INTS6: variants seen among roughly 807,000 people sequenced by gnomAD.
The protein encoded by INTS6 is integrator complex subunit 6.
INTS6 carries 16 observed loss-of-function variants against 104.9 expected under a neutral mutation model. The observed-to-expected ratio is 0.15, with a 90% confidence interval of 0.10 to 0.23. INTS6 has a LOEUF of 0.23. Among genes scored for constraint, INTS6 ranks in the 10% least tolerant of loss-of-function variants. INTS6 has a pLI of 1.00. For missense variants in INTS6, 584 were observed against 1,062.8 expected, an observed-to-expected ratio of 0.55 and a Z score of 6.26; for synonymous variants, 324 against 358.7, an observed-to-expected ratio of 0.90 and a Z score of 1.09.
the INTS6 span, chr13:51,341,491 C>T: frequency 3.6e-6 from 3 of 840,440 alleles, no homozygotes; most frequent in South Asian, 5.3e-5. Context: ...TCCAGCTCAC[C>T]CTGCTGCTCA....
At chr13:51,442,760 T>C (rs1027288981) in intron 3 of INTS6, 1 of 152,206 alleles carries the variant, frequency 6.6e-6, no homozygotes, top group Non-Finnish European at 1.5e-5. Flanking sequence ...TAACGCCTGA[T>C]GACCTGAGGT....
At chr13:51,451,884 G>T in intron 2 of INTS6, 94 bp downstream of exon 2, 1 of 760,474 alleles carries the variant, frequency 1.3e-6, no homozygotes, top group Non-Finnish European at 2.2e-6. Context: ...TGGGGGAGGG[G>T]AGCATAATGA....
At chr13:51,375,734 G>GGTGTGTGTGTGTGTGTGT (rs71684515) in intron 13 of INTS6, among the ~76,000 whole-genome samples, 2 of 147,560 alleles carry the variant, frequency 1.4e-5, no homozygotes, top group African/African-American at 4.9e-5. Flanking sequence ...TTGATAAGTG[G>GGTGTGTGTGTGTGTGTGT]GTGTGTGTGT....
At chr13:51,348,577 A>T in the INTS6 span, 3 of 605,794 alleles carry the variant, frequency 5.0e-6, no homozygotes, top group Admixed American at 8.9e-5. Flanking sequence ...CTAGAGTTTG[A>T]GTTCATTTCA....
chr13:51,413,136 A>G (rs1434351618), intron 4 of INTS6, among the ~76,000 whole-genome samples: 2 of 152,238 alleles, frequency 1.3e-5, no homozygotes, highest in Non-Finnish European at 2.9e-5. Flanking sequence ...GCAGTCAGAC[A>G]GTAAGCAAAT....
the INTS6 span, among the ~76,000 whole-genome samples, chr13:51,335,072 G>C: frequency 6.6e-6 from 1 of 151,682 alleles, no homozygotes; most frequent in Non-Finnish European, 1.5e-5. Flanking sequence ...ATGGAGAAGA[G>C]AGCTCAGAAC....
At chr13:51,399,110 G>A (rs1936584178) in intron 4 of INTS6, among the ~76,000 whole-genome samples, 1 of 152,070 alleles carries the variant, frequency 6.6e-6, no homozygotes, top group Admixed American at 6.6e-5. Context: ...TTGGTTTATG[G>A]CTTCTTTCAT....
At chr13:51,387,328 C>A in intron 7 of INTS6, 58 bp downstream of exon 7, 1 of 1,447,350 alleles carries the variant, frequency 6.9e-7, no homozygotes, top group South Asian at 1.4e-5. Flanking sequence ...GAATTTGAAA[C>A]TAATAGGAAA....
chr13:51,376,401 A>G (rs1255114667), intron 12 of INTS6, among the ~76,000 whole-genome samples: 1 of 152,208 alleles, frequency 6.6e-6, no homozygotes, highest in African/African-American at 2.4e-5. Flanking sequence ...ATCTAACTCT[A>G]AAGATTTTAT....
rs1453470613 is a variant in INTS6, at chr13:51,363,076, CAA to C, written c.*2674_*2675del. 6.6e-6 allele frequency: 1 copy of C among 151,716 alleles called. No homozygotes were observed. The highest frequency in any genetic ancestry group is 2.4e-5 in the African/African-American group (1 of 41,344). The allele number at this position is 151,716 out of a possible 1,614,324, so 9.4% of individuals were successfully genotyped here. ...GGACAGGTTCTACTCCCTAAGGAAA[CAA>C]AGAGACAGGACTACATTTGAACAGA... On this transcript the variant is annotated 3_prime_UTR_variant, in exon 18 of 18. Coordinates refer to ENST00000311234, the MANE Select transcript of INTS6 (RefSeq NM_012141.3).
At chr13:51,447,733 G>GGA (rs1491284548) in intron 3 of INTS6, 1 of 55,476 alleles carries the variant, frequency 1.8e-5, no homozygotes, top group African/African-American at 7.4e-5. Flanking sequence ...ATAATTTACT[G>GGA]AAAAAAAAAA....
intron 3 of INTS6, chr13:51,445,003 T>A (rs1432310960): frequency 6.6e-6 from 1 of 152,156 alleles, no homozygotes; most frequent in Non-Finnish European, 1.5e-5. Context: ...TTGTACTACT[T>A]TGAGCTCAGT....
chr13:51,424,086 T>C (rs1956943884), intron 4 of INTS6, among the ~76,000 whole-genome samples: 1 of 152,078 alleles, frequency 6.6e-6, no homozygotes, highest in South Asian at 2.1e-4. Flanking sequence ...ACTTTATATA[T>C]ATAAGAGCTA....
At chr13:51,384,633 A>C in intron 7 of INTS6, 1 of 456,600 alleles carries the variant, frequency 2.2e-6, no homozygotes, top group Admixed American at 2.3e-5. Context: ...CCAAGCTACA[A>C]AACCTGTTCT....
chr13:51,345,884 C>T, the INTS6 span, among the ~76,000 whole-genome samples: 2 of 152,192 alleles, frequency 1.3e-5, no homozygotes, highest in African/African-American at 4.8e-5. Flanking sequence ...CTCAGTTGCT[C>T]AGAGCACAGA....
At chr13:51,400,722 A>G (rs1956420805) in intron 4 of INTS6, among the ~76,000 whole-genome samples, 1 of 152,244 alleles carries the variant, frequency 6.6e-6, no homozygotes, top group Non-Finnish European at 1.5e-5. Flanking sequence ...AACAATGTTT[A>G]GAATAGTTTT....
chr13:51,422,117 T>G (rs1038324517), intron 4 of INTS6, among the ~76,000 whole-genome samples: 1 of 152,208 alleles, frequency 6.6e-6, no homozygotes, highest in Non-Finnish European at 1.5e-5. Context: ...GAGGTAATTG[T>G]TTTAAATGTT....
intron 4 of INTS6, among the ~76,000 whole-genome samples, chr13:51,415,590 C>T (rs1191425393): frequency 2.6e-5 from 4 of 152,154 alleles, no homozygotes; most frequent in Non-Finnish European, 5.9e-5. Flanking sequence ...TGACTTGCTC[C>T]TCCTTGCCTT....
chr13:51,432,298 TACA>T (rs1166599611), intron 3 of INTS6, among the ~76,000 whole-genome samples: 1 of 152,282 alleles, frequency 6.6e-6, no homozygotes, highest in Admixed American at 6.5e-5. Flanking sequence ...ACCACTTCCC[TACA>T]ACATCTATCC....
Sources: gnomAD v4.1 joint callset for allele counts (sites outside exome capture counted in the v4.1 genomes callset) on GRCh38, gnomAD v4.1.1 for gene constraint, MANE v1.5 for transcripts, NCBI Gene and HGNC (gene_info 2026-07-23, HGNC 2026-07-21) for gene names.